KCNQ5: variants seen among roughly 807,000 people sequenced by gnomAD.
KCNQ5 encodes the protein potassium voltage-gated channel subfamily KQT member 5.
Under a neutral mutation model 98.2 loss-of-function variants are expected in KCNQ5, and 30 were observed. The observed-to-expected ratio is 0.31, with a 90% CI of 0.23 to 0.41. The LOEUF (loss-of-function observed/expected upper bound fraction) is 0.41. Ranked by LOEUF, KCNQ5 falls within the 10% of genes least tolerant of loss-of-function variation. The pLI is 1.00. For missense variants in KCNQ5, 835 were observed against 1,182.5 expected (o/e 0.71, Z 4.31); for synonymous variants, 458 against 449.4 (o/e 1.02, Z -0.24).
chr6:72,778,813 T>C (rs1773301860), intron 1 of KCNQ5, among the ~76,000 whole-genome samples: 1 of 152,142 alleles, frequency 6.6e-6, no homozygotes, highest in Non-Finnish European at 1.5e-5. Context: ...TCAGAGAAAC[T>C]AGAAGAGAGT....
rs527513022 is a variant in KCNQ5 at position 73,184,846 on chromosome 6, G to A, written c.1578-5727G>A. On this transcript the variant is annotated intron_variant, in intron 11 of 13. Transcript: ENST00000370398. ...CAGGAAAATCCAGATGGGCTGGAGA[G>A]CAGGCAGCATGCAGAGGAATGACTA... Among the ~76,000 whole-genome samples, 7 of 152,310 alleles carry A rather than the reference G, an allele frequency of 4.6e-5. No individual in the cohort carries two copies. In the East Asian group the frequency reaches 5.8e-4, roughly 13 times the overall value.
chr6:72,975,510 T>C (rs184259682), intron 1 of KCNQ5, among the ~76,000 whole-genome samples: 117 of 152,280 alleles, frequency 7.7e-4, no homozygotes, highest in African/African-American at 2.7e-3. Context: ...GAGCAACAAG[T>C]GCCATTGTAG....
At chr6:73,164,983 T>G (rs1777738520) in intron 10 of KCNQ5, among the ~76,000 whole-genome samples, 3 of 142,882 alleles carry the variant, frequency 2.1e-5, no homozygotes, top group Admixed American at 7.0e-5. Flanking sequence ...ACTGGGAATC[T>G]TTTTTTTTTT....
chr6:73,095,867 G>A (rs1774468626), intron 5 of KCNQ5, among the ~76,000 whole-genome samples: 1 of 152,066 alleles, frequency 6.6e-6, no homozygotes, highest in Non-Finnish European at 1.5e-5. Flanking sequence ...GGGGTCTGTG[G>A]GTCCTCTCTA....
At chr6:73,138,302 T>C (rs954769927) in intron 10 of KCNQ5, among the ~76,000 whole-genome samples, 1 of 152,090 alleles carries the variant, frequency 6.6e-6, no homozygotes, top group Admixed American at 6.5e-5. Context: ...GCAGCCAAAA[T>C]CCACAAGAAT....
At chr6:73,067,184 A>G (rs148847794) in intron 3 of KCNQ5, among the ~76,000 whole-genome samples, 2 of 152,242 alleles carry the variant, frequency 1.3e-5, no homozygotes, top group East Asian at 1.9e-4. Context: ...TAGGCTTTCT[A>G]TGACATAAAA....
At chr6:72,941,448 ATTCC>A (rs1163134555) in intron 1 of KCNQ5, among the ~76,000 whole-genome samples, 3 of 51,368 alleles carry the variant, frequency 5.8e-5, no homozygotes, top group Admixed American at 4.8e-4. Flanking sequence ...CCCTCTCTTC[ATTCC>A]TTCCTTCCTT....
intron 1 of KCNQ5, among the ~76,000 whole-genome samples, chr6:72,629,882 A>G (rs942337898): frequency 6.6e-6 from 1 of 152,216 alleles, no homozygotes; most frequent in Non-Finnish European, 1.5e-5. Flanking sequence ...TTTCATAATT[A>G]AAGAAATTCT....
chr6:72,671,762 T>C (rs1252756870), intron 1 of KCNQ5, among the ~76,000 whole-genome samples: 2 of 152,154 alleles, frequency 1.3e-5, no homozygotes. Flanking sequence ...TATTTTTTGG[T>C]GGTATATGTA....
chr6:73,079,006 A>G (rs1773650601), intron 5 of KCNQ5, among the ~76,000 whole-genome samples: 1 of 152,220 alleles, frequency 6.6e-6, no homozygotes, highest in Non-Finnish European at 1.5e-5. Flanking sequence ...GGGGAGTTAT[A>G]TGAAAATAAT....
At chr6:72,995,501 G>A (rs965782834) in intron 1 of KCNQ5, among the ~76,000 whole-genome samples, 13 of 152,038 alleles carry the variant, frequency 8.6e-5, no homozygotes, top group Non-Finnish European at 1.6e-4. Flanking sequence ...CTACATCAGG[G>A]GAATAGAGTA....
chr6:72,830,138 C>T (rs186735580), intron 1 of KCNQ5, among the ~76,000 whole-genome samples: 9,133 of 152,130 alleles, frequency 0.06, 370 homozygotes, highest in Middle Eastern at 0.092. Context: ...GAATCAATAT[C>T]GTGAAAATGG....
chr6:72,630,761 G>C (rs2098920385), intron 1 of KCNQ5, among the ~76,000 whole-genome samples: 1 of 152,154 alleles, frequency 6.6e-6, no homozygotes, highest in Admixed American at 6.5e-5. Context: ...GGGAAAAATA[G>C]AGACAATGTG....
At chr6:73,070,317 C>T (rs1773245856) in intron 3 of KCNQ5, among the ~76,000 whole-genome samples, 1 of 151,926 alleles carries the variant, frequency 6.6e-6, no homozygotes, top group Non-Finnish European at 1.5e-5. Context: ...TGGAGAATGA[C>T]AGAGTTTTTA....
chr6:73,185,956 G>A (rs1208031761), intron 11 of KCNQ5, among the ~76,000 whole-genome samples: 1 of 152,152 alleles, frequency 6.6e-6, no homozygotes, highest in Non-Finnish European at 1.5e-5. Flanking sequence ...CAAGTGCAGT[G>A]GTTCATGCCT....
chr6:73,030,030 TGAA>T (rs1174489120), intron 2 of KCNQ5, among the ~76,000 whole-genome samples: 2 of 151,880 alleles, frequency 1.3e-5, no homozygotes, highest in African/African-American at 4.8e-5. Context: ...ACAGATTTCA[TGAA>T]GAATACACTG....
At chr6:72,976,138 T>C (rs1169100940) in intron 1 of KCNQ5, among the ~76,000 whole-genome samples, 1 of 152,218 alleles carries the variant, frequency 6.6e-6, no homozygotes. Context: ...TTTCTTACTT[T>C]AGTTCCCAAT....
intron 5 of KCNQ5, among the ~76,000 whole-genome samples, chr6:73,078,882 T>C (rs971439859): frequency 6.6e-6 from 1 of 152,248 alleles, no homozygotes. Context: ...GTAAAGAATT[T>C]ATGAAACAGT....
chr6:72,830,871 C>A (rs932053069), intron 1 of KCNQ5, among the ~76,000 whole-genome samples: 4 of 152,100 alleles, frequency 2.6e-5, no homozygotes, highest in Non-Finnish European at 4.4e-5. Context: ...CTACAAAGAA[C>A]TCAAACAAAT....
Sources: gnomAD v4.1 joint callset for allele counts (sites outside exome capture counted in the v4.1 genomes callset) on GRCh38, gnomAD v4.1.1 for gene constraint, MANE v1.5 for transcripts, NCBI Gene and HGNC (gene_info 2026-07-23, HGNC 2026-07-21) for gene names.